The following MTFR1 variants were observed in gnomAD, a reference collection of about 807,000 sequenced individuals.
MTFR1 encodes the protein chondrocyte protein with a poly-proline region.
Under a neutral mutation model 38.8 loss-of-function variants are expected in MTFR1, and 28 were observed. The ratio of observed to expected loss-of-function variants is 0.72; its 90% CI spans 0.53 to 0.99. The LOEUF is 0.99. MTFR1 is among the 50% of genes least tolerant of loss of function. The pLI, the probability that MTFR1 is intolerant of heterozygous loss-of-function variation, is 0.00. For synonymous variants in MTFR1, 145 were observed against 137.0 expected, an observed-to-expected ratio of 1.06 and a Z score of -0.41; for missense variants, 358 against 395.5, an observed-to-expected ratio of 0.91 and a Z score of 0.81.
At chr8:65,695,582 C>G (rs1265519695) in intron 4 of MTFR1, among the ~76,000 whole-genome samples, 3 of 152,144 alleles carry the variant, frequency 2.0e-5, no homozygotes, top group African/African-American at 7.2e-5. Context: ...GTCTTGAACT[C>G]CTGACCCCAG....
chr8:65,690,263 G>C (rs1232275921), intron 3 of MTFR1, among the ~76,000 whole-genome samples: 5 of 152,068 alleles, frequency 3.3e-5, no homozygotes, highest in African/African-American at 1.2e-4. Flanking sequence ...GGCTGGGCGT[G>C]GTGGTGCATA....
intron 3 of MTFR1, among the ~76,000 whole-genome samples, chr8:65,753,828 T>G (rs1023654411): frequency 2.6e-5 from 4 of 152,230 alleles, no homozygotes; most frequent in African/African-American, 9.6e-5. Context: ...TTATCATTAT[T>G]ATATCTTCCT....
chr8:65,741,342 T>TA (rs1419991283), intron 3 of MTFR1, among the ~76,000 whole-genome samples: 2 of 152,148 alleles, frequency 1.3e-5, no homozygotes, highest in African/African-American at 4.8e-5. Context: ...ATAAAAGACA[T>TA]ACTAGTCCCA....
rs557574327 is a variant in MTFR1, at chr8:65,658,418, T to C, written c.-80-11455T>C. Among the ~76,000 whole-genome samples, 4 of 152,364 alleles carry C rather than the reference T, an allele frequency of 2.6e-5. No individual in the cohort carries two copies. In the East Asian group the frequency reaches 7.7e-4, roughly 29 times the overall value. ...ATTTTAGTCGAGCTACATACTATTA[T>C]ATATTTTCACAGTGTTGGTAGAAGA... On this transcript the variant is annotated intron_variant, in intron 1 of 7. Transcript: ENST00000262146.
intron 1 of MTFR1, among the ~76,000 whole-genome samples, chr8:65,669,557 T>A (rs924369359): frequency 7.0e-6 from 1 of 143,048 alleles, no homozygotes; most frequent in Non-Finnish European, 1.5e-5. Context: ...CACATGAAGG[T>A]TTTTTTTTTT....
intron 1 of MTFR1, among the ~76,000 whole-genome samples, chr8:65,656,137 A>G (rs1809263580): frequency 6.7e-6 from 1 of 150,270 alleles, no homozygotes; most frequent in Non-Finnish European, 1.5e-5. Context: ...CAGAGGTTGC[A>G]GTGAGCCGAG....
chr8:65,699,265 C>T (rs955436819), intron 4 of MTFR1, among the ~76,000 whole-genome samples: 4 of 152,088 alleles, frequency 2.6e-5, no homozygotes, highest in South Asian at 4.1e-4. Flanking sequence ...AGGTTGGTTC[C>T]GTGTCTATGC....
chr8:65,655,955 T>A (rs1181273266), intron 1 of MTFR1, among the ~76,000 whole-genome samples: 2,146 of 32,870 alleles, frequency 0.065, 235 homozygotes, highest in African/African-American at 0.37. Flanking sequence ...AAAAAAAATA[T>A]ATATATATAT....
chr8:65,699,088 G>T (rs1279750895), intron 4 of MTFR1, among the ~76,000 whole-genome samples: 1 of 152,192 alleles, frequency 6.6e-6, no homozygotes. Flanking sequence ...GTGAGAACAT[G>T]TGGTATTTGG....
At chr8:65,695,493 A>C (rs1805413605) in intron 4 of MTFR1, among the ~76,000 whole-genome samples, 2 of 151,994 alleles carry the variant, frequency 1.3e-5, no homozygotes, top group Non-Finnish European at 2.9e-5. Flanking sequence ...AGTAGCTGGG[A>C]TTCCAGGTGG....
chr8:65,750,474 CTGTGTGTG>C (rs371620919), intron 3 of MTFR1, among the ~76,000 whole-genome samples: 2 of 142,626 alleles, frequency 1.4e-5, no homozygotes, highest in African/African-American at 2.6e-5. Flanking sequence ...ATTAGAATCA[CTGTGTGTG>C]TGTGTGTGTG....
intron 3 of MTFR1, chr8:65,724,675 A>C (rs1806535792): frequency 1.9e-6 from 2 of 1,034,268 alleles, no homozygotes; most frequent in Non-Finnish European, 2.8e-6. Flanking sequence ...GCTTGCCCTC[A>C]AGATTTAACC....
downstream of MTFR1, among the ~76,000 whole-genome samples, chr8:65,772,940 G>A (rs112904856): frequency 2.0e-3 from 308 of 152,188 alleles, no homozygotes; most frequent in Non-Finnish European, 3.3e-3. Context: ...CCTGGGAGAC[G>A]GAGGCTGCAG....
intron 1 of MTFR1, among the ~76,000 whole-genome samples, chr8:65,651,287 C>G (rs1360928835): frequency 6.8e-6 from 1 of 148,040 alleles, no homozygotes; most frequent in African/African-American, 2.5e-5. Context: ...TATGCAGAAG[C>G]TTTTTGACTT....
chr8:65,693,958 A>T lies in MTFR1; in HGVS notation c.281+199A>T, dbSNP rs141623239. Among the ~76,000 whole-genome samples, 164 of 151,626 alleles carry T rather than the reference A, an allele frequency of 1.1e-3. No homozygotes were observed. The Middle Eastern group carries it at 0.021, about 19-fold the overall frequency. ...TGTTCTGTTTTTCAGGCTGGAGTGC[A>T]GTGGTGTGATCTTGCTTCACTGCAG... is the stretch of plus-strand genomic sequence containing the variant. On this transcript the variant is annotated intron_variant, in intron 4 of 7. Coordinates refer to ENST00000262146, the MANE Select transcript of MTFR1 (RefSeq NM_014637.4).
intron 3 of MTFR1, among the ~76,000 whole-genome samples, chr8:65,769,601 A>C (rs906722556): frequency 3.9e-5 from 6 of 152,234 alleles, no homozygotes; most frequent in African/African-American, 9.6e-5. Context: ...TTAATTAACA[A>C]ATATGTGATC....
chr8:65,694,653 A>G (rs1805381310), intron 4 of MTFR1, among the ~76,000 whole-genome samples: 1 of 152,184 alleles, frequency 6.6e-6, no homozygotes, highest in East Asian at 1.9e-4. Flanking sequence ...GTAATTGGAG[A>G]ATGTTTCCTA....
intron 2 of MTFR1, among the ~76,000 whole-genome samples, chr8:65,671,673 T>G (rs1279050401): frequency 6.6e-6 from 1 of 152,188 alleles, no homozygotes; most frequent in East Asian, 1.9e-4. Flanking sequence ...TTATTTATGA[T>G]TTCCAAAAAC....
intron 3 of MTFR1, among the ~76,000 whole-genome samples, chr8:65,691,585 C>A (rs901139379): frequency 6.6e-6 from 1 of 152,194 alleles, no homozygotes; most frequent in South Asian, 2.1e-4. Flanking sequence ...AGCCACCGCA[C>A]CTGGCTGAAT....
Sources: gnomAD v4.1 joint callset for allele counts (sites outside exome capture counted in the v4.1 genomes callset) on GRCh38, gnomAD v4.1.1 for gene constraint, MANE v1.5 for transcripts, NCBI Gene and HGNC (gene_info 2026-07-23, HGNC 2026-07-21) for gene names.